The following CDH6 variants were observed in gnomAD, a reference collection of about 807,000 sequenced individuals.
The protein encoded by CDH6 is cadherin 6.
CDH6 carries 31 observed loss-of-function variants against 78.0 expected under a neutral mutation model. The observed-to-expected ratio is 0.40, with a 90% confidence interval of 0.30 to 0.54. The LOEUF is 0.54. CDH6 is among the 20% of genes least tolerant of loss of function. The probability of loss-of-function intolerance (pLI) is 0.56; values close to 1 mark genes in which losing one functional copy is unlikely to be tolerated. For missense variants in CDH6, 724 were observed against 975.9 expected (o/e 0.74, Z 3.44); for synonymous variants, 376 against 368.8 (o/e 1.02, Z -0.23).
chr5:31,299,781 G>GCA, intron 5 of CDH6, 150 bp downstream of exon 5: 1 of 642,230 alleles, frequency 1.6e-6, no homozygotes, highest in Non-Finnish European at 2.7e-6. Context: ...TGACAACATG[G>GCA]CATACACTCA....
At chr5:31,258,050 T>C (rs1256612324) in intron 1 of CDH6, among the ~76,000 whole-genome samples, 1 of 152,128 alleles carries the variant, frequency 6.6e-6, no homozygotes, top group Admixed American at 6.5e-5. Flanking sequence ...GAGTGTAAAT[T>C]AGTTCAACCA....
intron 1 of CDH6, among the ~76,000 whole-genome samples, chr5:31,262,159 C>T (rs1212563281): frequency 1.3e-5 from 2 of 152,110 alleles, no homozygotes; most frequent in African/African-American, 4.8e-5. Context: ...ATTAATAAGG[C>T]CCAGGCTCCT....
chr5:31,226,032 C>A (rs1741142156), intron 1 of CDH6, among the ~76,000 whole-genome samples: 2 of 152,044 alleles, frequency 1.3e-5, no homozygotes, highest in South Asian at 4.2e-4. Context: ...CCTTTGCTGC[C>A]CTAAGAATAG....
chr5:31,271,887 C>A (rs555639351), intron 2 of CDH6, among the ~76,000 whole-genome samples: 3 of 152,240 alleles, frequency 2.0e-5, no homozygotes, highest in Non-Finnish European at 4.4e-5. Flanking sequence ...AAAATACCTT[C>A]CCTGGGTCTC....
intron 1 of CDH6, among the ~76,000 whole-genome samples, chr5:31,264,785 C>A (rs1237733655): frequency 6.6e-6 from 1 of 152,132 alleles, no homozygotes; most frequent in Non-Finnish European, 1.5e-5. Context: ...GATGTTGTAG[C>A]CTACTTGGAA....
rs1164361381 is a variant in CDH6 at position 31,267,342 on chromosome 5, C to T, written c.-128-4C>T. On this transcript the variant is annotated splice_polypyrimidine_tract_variant and splice_region_variant and intron_variant, in intron 1 of 11. Transcript: ENST00000265071. ...AATGCTTGTTATGTTATTATTCTTT[C>T]CAGATATCCTCTGAGAGCCAAGCAA... 4.6e-6 allele frequency: 3 copies of T among 652,700 alleles called. No homozygotes were observed. Among genetic ancestry groups the T allele is most frequent in the Non-Finnish European group, 8.1e-6 (3 of 370,418 alleles). 40.4% of individuals were successfully genotyped at this position (652,700 alleles called of 1,614,324 possible).
chr5:31,302,069 G>T, intron 5 of CDH6, 42 bp from the exon 6 acceptor site: 1 of 1,356,828 alleles, frequency 7.4e-7, no homozygotes, highest in South Asian at 1.4e-5. Flanking sequence ...ATAAGAGTGT[G>T]GTTAGTCTAT....
At chr5:31,303,733 C>T (rs1422198854) in intron 6 of CDH6, among the ~76,000 whole-genome samples, 1 of 152,044 alleles carries the variant, frequency 6.6e-6, no homozygotes, top group African/African-American at 2.4e-5. Flanking sequence ...ATAAAAGCAT[C>T]GGTGGATGTA....
intron 2 of CDH6, among the ~76,000 whole-genome samples, chr5:31,269,141 G>A (rs1742447394): frequency 6.6e-6 from 1 of 151,994 alleles, no homozygotes; most frequent in Admixed American, 6.6e-5. Context: ...AACACAAATA[G>A]CATTGTTGCC....
chr5:31,252,214 T>C (rs532253764), intron 1 of CDH6, among the ~76,000 whole-genome samples: 1 of 152,224 alleles, frequency 6.6e-6, no homozygotes, highest in Non-Finnish European at 1.5e-5. Flanking sequence ...ACCTGGTTTT[T>C]ATTTACAGTC....
At chr5:31,201,752 T>C (rs1368346694) in intron 1 of CDH6, among the ~76,000 whole-genome samples, 2 of 152,220 alleles carry the variant, frequency 1.3e-5, no homozygotes, top group African/African-American at 4.8e-5. Context: ...GTTCTCTTCC[T>C]TCTTATCTGG....
intron 1 of CDH6, among the ~76,000 whole-genome samples, chr5:31,207,540 C>A (rs999886322): frequency 6.6e-6 from 1 of 152,168 alleles, no homozygotes; most frequent in Non-Finnish European, 1.5e-5. Flanking sequence ...GTAAAAACAT[C>A]TTTTCAAAAG....
intron 2 of CDH6, among the ~76,000 whole-genome samples, chr5:31,280,390 A>T (rs73089375): frequency 0.026 from 3,986 of 152,230 alleles, 167 homozygotes; most frequent in South Asian, 0.16. Context: ...TTCTCAGGGG[A>T]TCCACATAAC....
Position 31,317,508 on chromosome 5 carries a change from T to C in CDH6, c.1630+16T>C, listed in dbSNP as rs1738357408. The C allele has an allele frequency of 1.3e-6, 2 of 1,566,220 alleles. No individual in the cohort carries two copies. The highest frequency in any genetic ancestry group is 2.2e-5 in the East Asian group (1 of 44,614). Reference sequence around the variant, plus strand: ...GACAACAAAGGTAAATGAGTTCAAGTTACCTTCTCTATCTATCTCCATCTA... The same window carrying C: ...GACAACAAAGGTAAATGAGTTCAAGCTACCTTCTCTATCTATCTCCATCTA... On this transcript the variant is annotated intron_variant, in intron 10 of 11. Transcript: ENST00000265071.
At chr5:31,322,637 T>C (rs1301550069) in intron 11 of CDH6, among the ~76,000 whole-genome samples, 181 bp from the exon 12 acceptor site, 1 of 152,246 alleles carries the variant, frequency 6.6e-6, no homozygotes, top group Non-Finnish European at 1.5e-5. Flanking sequence ...ATTTACTCCA[T>C]TTTATGGGTC....
At chr5:31,277,431 G>A (rs990206529) in intron 2 of CDH6, among the ~76,000 whole-genome samples, 11 of 152,232 alleles carry the variant, frequency 7.2e-5, no homozygotes, top group South Asian at 2.1e-4. Context: ...AATAGGAATC[G>A]TTATCACAGT....
chr5:31,297,090 C>G (rs1398486313), intron 3 of CDH6, among the ~76,000 whole-genome samples, 199 bp from the exon 4 acceptor site: 3 of 152,140 alleles, frequency 2.0e-5, no homozygotes, highest in Non-Finnish European at 4.4e-5. Context: ...TTTCTGTAAC[C>G]TAATCCTTAA....
chr5:31,322,925 G>C lies in CDH6; in HGVS notation c.1990G>C (p.Gly664Arg). The change falls in exon 12 of 12, where the codon GGT becomes CGT. Residue 664 changes from glycine to arginine, a missense_variant. Physicochemically the swap from Gly to Arg is moderately radical, Grantham distance 125. Around this residue, in one of 3 missense-constraint regions of CDH6, gnomAD observed 220 missense variants for 240.6 expected, o/e 0.91. Transcript: ENST00000265071. ...DNIVSYNDEG[G>R]GEEDTQAFDI... ...CATTGTCAGTTACAACGACGAAGGTGGTGGAGAGGAGGACACCCAGGCTTT... is the reference window on the plus strand; with the variant it reads ...CATTGTCAGTTACAACGACGAAGGTCGTGGAGAGGAGGACACCCAGGCTTT... 6.2e-7 allele frequency: 1 copy of C among 1,614,176 alleles called. No individual in the cohort carries two copies. Among genetic ancestry groups the C allele is most frequent in the Non-Finnish European group, 8.5e-7 (1 of 1,180,020 alleles).
intron 1 of CDH6, among the ~76,000 whole-genome samples, chr5:31,262,034 TA>T (rs1282364352): frequency 6.6e-6 from 1 of 152,234 alleles, no homozygotes; most frequent in Non-Finnish European, 1.5e-5. Context: ...CCCTATGAAA[TA>T]TTTTTGCACT....
Sources: allele counts gnomAD v4.1 joint callset (sites outside exome capture counted in the v4.1 genomes callset), GRCh38; gene constraint gnomAD v4.1.1; regional missense constraint gnomAD v4.1.1; transcripts MANE v1.5; gene names NCBI Gene and HGNC (gene_info 2026-07-23, HGNC 2026-07-21).